TCP11: variants seen among roughly 807,000 people sequenced by gnomAD.
TCP11 encodes t-complex 11.
TCP11 carries 34 observed loss-of-function variants against 45.0 expected under a neutral mutation model. The observed-to-expected ratio is 0.76, with a 90% CI of 0.57 to 1.01. The LOEUF is 1.01. Among genes scored for constraint, TCP11 ranks in the 50% least tolerant of loss-of-function variants. The pLI, the probability that TCP11 is intolerant of heterozygous loss-of-function variation, is 0.00. For synonymous variants in TCP11, 227 were observed against 227.0 expected (o/e 1.00, Z 0.00); for missense variants, 523 against 598.1 (o/e 0.87, Z 1.31).
intron 2 of TCP11, chr6:35,140,252 A>T: frequency 6.8e-7 from 1 of 1,480,344 alleles, no homozygotes; most frequent in Non-Finnish European, 9.0e-7. Context: ...ATACAGCATG[A>T]GTCCCAGTGA....
chr6:35,141,167 C>T, intron 1 of TCP11, 38 bp downstream of exon 1: 11 of 1,330,414 alleles, frequency 8.3e-6, no homozygotes, highest in Non-Finnish European at 1.1e-5. Flanking sequence ...TCGCCCGAAA[C>T]GCCGGCCCAG....
chr6:35,136,601 T>C (rs1781144947), intron 2 of TCP11, among the ~76,000 whole-genome samples: 1 of 89,258 alleles, frequency 1.1e-5, no homozygotes, highest in Non-Finnish European at 2.2e-5. Flanking sequence ...TCTGATGCTA[T>C]ACATGATGAA....
Position 35,140,890 on chromosome 6 carries a change from T to G in TCP11, c.-14-6A>C. 7 of 1,526,292 alleles carry G rather than the reference T, an allele frequency of 4.6e-6. No individual in the cohort carries two copies. The highest frequency in any genetic ancestry group is 5.3e-6 in the Non-Finnish European group (6 of 1,139,660). 94.5% of individuals were successfully genotyped at this position (1,526,292 alleles called of 1,614,324 possible). ...TGGCATTTTGCTGATGGTATCTGGG[T>G]GAGGGAGAAAGGCGTGTTGTTGGCG... is the stretch of plus-strand genomic sequence containing the variant. On this transcript the variant is annotated splice_polypyrimidine_tract_variant and splice_region_variant and intron_variant, in intron 1 of 9. Transcript: ENST00000311875.
intron 4 of TCP11, among the ~76,000 whole-genome samples, chr6:35,122,639 C>T (rs1345393514): frequency 6.6e-6 from 1 of 152,098 alleles, no homozygotes; most frequent in Admixed American, 6.5e-5. Flanking sequence ...AAATACCCAC[C>T]ATCACATGGT....
In TCP11 at chr6:35,120,161, G is replaced by A; in HGVS notation, c.1113C>T (p.Ser371=). The change falls in exon 8 of 10, where the codon TCC becomes TCT. Residue 371 remains serine (S), a splice_region_variant and synonymous_variant. Transcript: ENST00000311875. This position sits in a 1 kb window ranked among gnomAD's most constrained non-coding sequence, Gnocchi z 4.9. ...ITKSLLEDFH[S]RPEEAILTVS... is the part of the protein sequence containing the mutation. ...TAAAAAGTAACTATGCAGCTCACCT[G>A]GAGTGAAAGTCTTCCAACAAGGATT... The A allele has an allele frequency of 6.2e-7, 1 of 1,613,896 alleles. No homozygotes were observed. Among genetic ancestry groups the A allele is most frequent in the Non-Finnish European group, 8.5e-7 (1 of 1,179,886 alleles).
chr6:35,140,823 T>C lies in TCP11; in HGVS notation c.48A>G (p.Ser16=). The part of the protein sequence containing the change: ...ESVPPKYPGD[S]EGRSCKPETS... ...TTTCGGGCTTACAGGACCTGCCCTC[T>C]GAGTCGCCAGGATATTTCGGGGGCA... The change falls in exon 2 of 10, where the codon TCA becomes TCG. Residue 16 remains serine, a synonymous_variant. Coordinates refer to ENST00000311875, the MANE Select transcript of TCP11 (RefSeq NM_001370687.1). 2 of 1,553,606 alleles carry C rather than the reference T, an allele frequency of 1.3e-6. No individual in the cohort carries two copies. The highest frequency in any genetic ancestry group is 1.7e-6 in the Non-Finnish European group (2 of 1,154,622).
Position 35,118,086 on chromosome 6 carries a change from A to G in TCP11, c.*183T>C. On this transcript the variant is annotated 3_prime_UTR_variant, in exon 10 of 10. Transcript: ENST00000311875. ...AAATGGAGGATTTCTTGCACTTAAG[A>G]AGTTTATTAATGAATGGGTATGGAC... The G allele has an allele frequency of 1.8e-5, 11 of 605,280 alleles. No homozygotes were observed. The South Asian group carries it at 2.1e-4, about 12-fold the overall frequency. The allele number at this position is 605,280 out of a possible 1,614,324, so 37.5% of individuals were successfully genotyped here. A position where few individuals can be genotyped will look rare whatever the true frequency, so the allele number is the denominator to read the frequency against.
chr6:35,137,890 A>G, intron 2 of TCP11: 1 of 423,456 alleles, frequency 2.4e-6, no homozygotes, highest in Non-Finnish European at 4.7e-6. Flanking sequence ...TGTATTAGTC[A>G]TTCTATTTCA....
Position 35,141,202 on chromosome 6 carries a change from C to A in TCP11, c.-15+3G>T. The A allele has an allele frequency of 7.1e-7, 1 of 1,405,604 alleles. No individual in the cohort carries two copies. The highest frequency in any genetic ancestry group is 9.2e-7 in the Non-Finnish European group (1 of 1,082,344). 87.1% of individuals were successfully genotyped at this position (1,405,604 alleles called of 1,614,324 possible). On this transcript the variant is annotated splice_donor_region_variant and intron_variant, in intron 1 of 9. Transcript: ENST00000311875. ...GGCCCGCCTCCGGCTCCCAGGCCGT[C>A]ACCTCCTCCTCCCCCGCCGCGGGTC...
At chr6:35,129,994 G>A (rs1780223858) in intron 3 of TCP11, among the ~76,000 whole-genome samples, 1 of 151,876 alleles carries the variant, frequency 6.6e-6, no homozygotes, top group African/African-American at 2.4e-5. Context: ...TGTTGCTCGG[G>A]CTGGTCTTGA....
rs116393879 is a variant in TCP11, at chr6:35,122,067, C to T, written c.578+50G>A. The stretch of plus-strand genomic sequence containing the variant: ...TAATCTAGGTCTGGCCCAGCTTTTC[C>T]GGGCTCAGGGGCTAAAGCAGGTTTT... On this transcript the variant is annotated intron_variant, in intron 5 of 9. Coordinates refer to ENST00000311875, the MANE Select transcript of TCP11 (RefSeq NM_001370687.1). 5.4e-4 allele frequency: 853 copies of T among 1,590,730 alleles called. 1 individual carries two copies. The African/African-American group carries it at 8.4e-3, about 16-fold the overall frequency.
Position 35,141,336 on chromosome 6 carries a change from G to A in TCP11, c.-146C>T. On this transcript the variant is annotated 5_prime_UTR_variant, in exon 1 of 10. Transcript: ENST00000311875. Reference sequence around the variant, plus strand: ...CACGGTGAGAAAGGCCGGGGCCTGAGAACAAACCGCCGCGGTCGCCGGGGC... The same window carrying A: ...CACGGTGAGAAAGGCCGGGGCCTGAAAACAAACCGCCGCGGTCGCCGGGGC... The A allele has an allele frequency of 6.8e-6, 8 of 1,182,342 alleles. No individual in the cohort carries two copies. Among genetic ancestry groups the A allele is most frequent in the Non-Finnish European group, 8.5e-6 (8 of 937,282 alleles). The allele number at this position is 1,182,342 out of a possible 1,614,324, so 73.2% of individuals were successfully genotyped here. A position where few individuals can be genotyped will look rare whatever the true frequency, so the allele number is the denominator to read the frequency against.
rs754602612 is a variant in TCP11, at chr6:35,140,802, G to A, written c.69C>T (p.Pro23=). 16 of 1,538,614 alleles carry A rather than the reference G, an allele frequency of 1.0e-5. No homozygotes were observed. The highest frequency in any genetic ancestry group is 2.8e-5 in the African/African-American group (2 of 72,002). ...CTTCCTGGGGGGGTCCTGAGGTTTC[G>A]GGCTTACAGGACCTGCCCTCTGAGT... ...PGDSEGRSCK[P]ETSGPPQEDK... The change falls in exon 2 of 10, where the codon CCC becomes CCT. Residue 23 remains proline, a synonymous_variant. Transcript: ENST00000311875.
At chr6:35,136,413 C>T (rs568036360) in intron 2 of TCP11, among the ~76,000 whole-genome samples, 195 bp from the exon 3 acceptor site, 1 of 151,462 alleles carries the variant, frequency 6.6e-6, no homozygotes, top group Non-Finnish European at 1.5e-5. Flanking sequence ...AGTAGTCTAA[C>T]ACTGGGGGAA....
chr6:35,129,866 C>A (rs975246289), intron 3 of TCP11, among the ~76,000 whole-genome samples: 18 of 152,198 alleles, frequency 1.2e-4, no homozygotes, highest in African/African-American at 4.1e-4. Flanking sequence ...CCTCAACCTC[C>A]CACGCGCAAG....
intron 2 of TCP11, 139 bp from the exon 3 acceptor site, chr6:35,136,357 T>A (rs1480119521): frequency 4.9e-6 from 3 of 609,366 alleles, no homozygotes; most frequent in Admixed American, 5.8e-5. Context: ...GTGATTTATG[T>A]TTTCTGCACT....
chr6:35,124,369 C>T (rs1434098265), intron 4 of TCP11, among the ~76,000 whole-genome samples: 1 of 152,076 alleles, frequency 6.6e-6, no homozygotes. Context: ...TTGCAAGCAC[C>T]AATAAGGGAA....
chr6:35,134,852 C>T (rs941990020), intron 3 of TCP11, among the ~76,000 whole-genome samples: 25 of 152,000 alleles, frequency 1.6e-4, no homozygotes, highest in African/African-American at 5.8e-4. Flanking sequence ...TTATAGCAAA[C>T]AGAATGTAGC....
Position 35,141,276 on chromosome 6 carries a change from G to A in TCP11, c.-86C>T. ...GCCTCGCGGCCTGGCGGCCTGGAGC[G>A]TACCACCGCGGCGGAGCGGCGGGTT... On this transcript the variant is annotated 5_prime_UTR_variant, in exon 1 of 10. It adds an upstream start codon to the 5' untranslated region. Coordinates refer to ENST00000311875, the MANE Select transcript of TCP11 (RefSeq NM_001370687.1). The A allele has an allele frequency of 3.9e-6, 5 of 1,298,360 alleles. No individual in the cohort carries two copies. Among genetic ancestry groups the A allele is most frequent in the Non-Finnish European group, 4.9e-6 (5 of 1,024,520 alleles). The allele number at this position is 1,298,360 out of a possible 1,614,324, so 80.4% of individuals were successfully genotyped here.
Sources: gnomAD v4.1 joint callset for allele counts (sites outside exome capture counted in the v4.1 genomes callset) on GRCh38, gnomAD v4.1.1 for gene constraint, Gnocchi (gnomAD v3.1) non-coding constraint, MANE v1.5 for transcripts, NCBI Gene and HGNC (gene_info 2026-07-23, HGNC 2026-07-21) for gene names.